Variants in MIPOL1 observed in about 807,000 individuals in gnomAD.
MIPOL1 encodes the protein mirror-image polydactyly gene 1 protein.
A neutral mutation model predicts 60.9 loss-of-function variants in MIPOL1; 57 were observed. The ratio of observed to expected loss-of-function variants is 0.94; its 90% CI spans 0.76 to 1.17. The LOEUF (loss-of-function observed/expected upper bound fraction) is 1.17, where lower values mean the gene tolerates loss of function less well. MIPOL1 is among the 50% of genes most tolerant of loss of function. The pLI is 0.00. For missense variants in MIPOL1, 551 were observed against 511.6 expected (o/e 1.08, Z -0.74); for synonymous variants, 179 against 168.8 (o/e 1.06, Z -0.47).
intron 10 of MIPOL1, among the ~76,000 whole-genome samples, chr14:37,391,141 CAGTGTAAAATTCTATACCT>C (rs1287315221): frequency 2.0e-5 from 3 of 151,870 alleles, no homozygotes; most frequent in African/African-American, 7.3e-5. Context: ...AAAAAAAAGC[CAGTGTAAAATTCTATACCT>C]AGTTTAAATA....
chr14:37,449,068 G>A (rs752080445), intron 11 of MIPOL1, among the ~76,000 whole-genome samples: 12 of 152,138 alleles, frequency 7.9e-5, no homozygotes, highest in Non-Finnish European at 1.5e-4. Context: ...GAAGGGAATG[G>A]CAGCAAGATC....
intron 11 of MIPOL1, among the ~76,000 whole-genome samples, chr14:37,483,199 G>A (rs2094898680): frequency 6.8e-6 from 1 of 146,300 alleles, no homozygotes; most frequent in African/African-American, 2.6e-5. Flanking sequence ...TCCAACCTCC[G>A]CCTCCTGGGT....
chr14:37,376,043 G>A (rs2092768460), intron 10 of MIPOL1, among the ~76,000 whole-genome samples: 1 of 152,038 alleles, frequency 6.6e-6, no homozygotes, highest in African/African-American at 2.4e-5. Context: ...TTGCTTTTTA[G>A]AGTAGTTTTA....
chr14:37,369,407 A>AC, intron 9 of MIPOL1, 110 bp from the exon 10 acceptor site: 1 of 625,230 alleles, frequency 1.6e-6, no homozygotes, highest in Non-Finnish European at 2.6e-6. Context: ...TGCAAAAAAA[A>AC]AACCTTGTCT....
intron 11 of MIPOL1, among the ~76,000 whole-genome samples, chr14:37,424,676 T>C (rs1208152340): frequency 1.3e-5 from 2 of 152,182 alleles, no homozygotes; most frequent in Non-Finnish European, 2.9e-5. Context: ...CACTGACTGT[T>C]GGGAATCATT....
chr14:37,505,505 A>C (rs758399271), intron 12 of MIPOL1: 2 of 152,214 alleles, frequency 1.3e-5, no homozygotes, highest in African/African-American at 2.4e-5. Flanking sequence ...GACAAAAACC[A>C]CATGATTATC....
intron 12 of MIPOL1, among the ~76,000 whole-genome samples, chr14:37,529,835 A>G (rs1813747562): frequency 6.6e-6 from 1 of 152,246 alleles, no homozygotes; most frequent in African/African-American, 2.4e-5. Flanking sequence ...CTCCTGGAGC[A>G]TGAGATCAGA....
At chr14:37,288,755 G>A (rs1300406157) in intron 7 of MIPOL1, among the ~76,000 whole-genome samples, 3 of 151,894 alleles carry the variant, frequency 2.0e-5, no homozygotes, top group African/African-American at 7.3e-5. Flanking sequence ...AGGCTGCAGT[G>A]AACCTATGCA....
intron 5 of MIPOL1, among the ~76,000 whole-genome samples, chr14:37,269,676 T>C (rs2083143785): frequency 6.6e-6 from 1 of 152,178 alleles, no homozygotes; most frequent in Non-Finnish European, 1.5e-5. Context: ...TATCAGATAT[T>C]AAGATTATTG....
intron 9 of MIPOL1, among the ~76,000 whole-genome samples, chr14:37,356,367 T>A (rs1036450517): frequency 1.3e-5 from 2 of 152,038 alleles, no homozygotes; most frequent in Non-Finnish European, 2.9e-5. Context: ...TTTGTTTGTC[T>A]GTGCCCTGCC....
At chr14:37,359,922 T>C (rs10146640) in intron 9 of MIPOL1, among the ~76,000 whole-genome samples, 2 of 152,190 alleles carry the variant, frequency 1.3e-5, no homozygotes, top group African/African-American at 4.8e-5. Context: ...ATGCTTCCAG[T>C]TTTTTCCCAT....
intron 3 of MIPOL1, among the ~76,000 whole-genome samples, chr14:37,259,071 G>A (rs1280163721): frequency 6.6e-6 from 1 of 152,028 alleles, no homozygotes; most frequent in Non-Finnish European, 1.5e-5. Context: ...GAGTATAAAG[G>A]ATGCAGTTTA....
At chr14:37,522,670 A>C (rs1003201711) in intron 12 of MIPOL1, among the ~76,000 whole-genome samples, 1 of 152,210 alleles carries the variant, frequency 6.6e-6, no homozygotes, top group Non-Finnish European at 1.5e-5. Context: ...GAATGAACAC[A>C]TGAATCCAAA....
At chr14:37,426,594 T>TAC (rs1555339854) in intron 11 of MIPOL1, among the ~76,000 whole-genome samples, 106 of 125,384 alleles carry the variant, frequency 8.5e-4, no homozygotes, top group African/African-American at 2.5e-3. Context: ...TATATATATA[T>TAC]ACACACACAC....
chr14:37,201,989 C>A (rs534588367), intron 1 of MIPOL1, among the ~76,000 whole-genome samples: 15 of 152,156 alleles, frequency 9.9e-5, no homozygotes, highest in Non-Finnish European at 1.3e-4. Flanking sequence ...CTCAACATCA[C>A]ACCTAGCTAT....
intron 3 of MIPOL1, among the ~76,000 whole-genome samples, chr14:37,262,198 C>T (rs1172871692): frequency 2.0e-5 from 3 of 151,500 alleles, no homozygotes; most frequent in African/African-American, 4.9e-5. Context: ...TATTTGTGCA[C>T]ACGGAGACAA....
At chr14:37,343,824 A>G (rs2090749456) in intron 9 of MIPOL1, among the ~76,000 whole-genome samples, 1 of 152,202 alleles carries the variant, frequency 6.6e-6, no homozygotes. Context: ...AAAATTTGTC[A>G]TGGATTTTAT....
intron 12 of MIPOL1, among the ~76,000 whole-genome samples, chr14:37,536,251 G>A (rs1325461825): frequency 2.0e-5 from 3 of 152,056 alleles, no homozygotes; most frequent in Admixed American, 6.6e-5. Flanking sequence ...TCTAAGATAC[G>A]TGTATATCCA....
At chr14:37,509,777 A>G (rs754191225) in intron 12 of MIPOL1, among the ~76,000 whole-genome samples, 14 of 151,018 alleles carry the variant, frequency 9.3e-5, no homozygotes, top group East Asian at 1.9e-4. Context: ...GTTTGTGTGT[A>G]TATACATGTA....
Sources: allele counts gnomAD v4.1 joint callset (sites outside exome capture counted in the v4.1 genomes callset), GRCh38; gene constraint gnomAD v4.1.1; transcripts MANE v1.5; gene names NCBI Gene and HGNC (gene_info 2026-07-23, HGNC 2026-07-21).